The following INSL6 variants were observed in gnomAD, a reference collection of about 807,000 sequenced individuals.
INSL6 encodes the protein insulin-like peptide INSL6.
In INSL6, 16 loss-of-function variants were observed where a neutral mutation model predicts 9.4. The ratio of observed to expected loss-of-function variants is 1.70; its 90% CI spans 1.15 to 2.59. INSL6 has a LOEUF of 2.59. Ranked by LOEUF, INSL6 falls within the 30% of genes most tolerant of loss-of-function variation. The pLI, the probability that INSL6 is intolerant of heterozygous loss-of-function variation, is 0.00. For synonymous variants in INSL6, 154 were observed against 96.9 expected, an observed-to-expected ratio of 1.59 and a Z score of -3.46; for missense variants, 391 against 257.3, an observed-to-expected ratio of 1.52 and a Z score of -3.56.
chr9:5,145,042 G>A (rs1217758132), intron 2 of INSL6, among the ~76,000 whole-genome samples: 1 of 152,124 alleles, frequency 6.6e-6, no homozygotes, highest in Non-Finnish European at 1.5e-5. Flanking sequence ...TTGTTTATGT[G>A]ATTGCTTCAT....
the INSL6 span, among the ~76,000 whole-genome samples, chr9:5,113,042 C>T: frequency 4.6e-5 from 7 of 152,172 alleles, no homozygotes; most frequent in Non-Finnish European, 1.0e-4. Context: ...AGGAAGGTGA[C>T]GCTGGGTCCA....
the INSL6 span, among the ~76,000 whole-genome samples, chr9:5,000,589 AG>A: frequency 6.6e-6 from 1 of 152,200 alleles, no homozygotes; most frequent in Non-Finnish European, 1.5e-5. Context: ...GCCAACTTTT[AG>A]GAGTTTTCTT....
chr9:5,143,479 G>A lies in INSL6; in HGVS notation c.377-9887C>T, dbSNP rs1824542082. Among the ~76,000 whole-genome samples the A allele has an allele frequency of 4.6e-5, 7 of 152,134 alleles. No homozygotes were observed. The South Asian group carries it at 1.2e-3, about 27-fold the overall frequency. On this transcript the variant is annotated intron_variant, in intron 2 of 3. Transcript: ENST00000649639. ...TGTTTTCCAGTTGATTTCCATAGAG[G>A]TGTTCATAATATTATCTGATGGTTG...
chr9:5,175,603 C>T (rs767424051), intron 1 of INSL6, among the ~76,000 whole-genome samples: 9 of 152,112 alleles, frequency 5.9e-5, no homozygotes, highest in African/African-American at 1.9e-4. Flanking sequence ...AGTGGGCAGG[C>T]GAGCGAGCAA....
chr9:4,998,881 A>G, the INSL6 span, among the ~76,000 whole-genome samples: 1 of 152,024 alleles, frequency 6.6e-6, no homozygotes, highest in South Asian at 2.1e-4. Context: ...CCCAGGCTGT[A>G]GTGCAGTGGT....
At chr9:5,012,267 A>G in the INSL6 span, among the ~76,000 whole-genome samples, 1 of 152,202 alleles carries the variant, frequency 6.6e-6, no homozygotes, top group African/African-American at 2.4e-5. Context: ...AAGAGTAAGT[A>G]TGGGCCTCAT....
At chr9:5,160,907 TGA>T (rs1424526809), downstream of INSL6, among the ~76,000 whole-genome samples, 4 of 152,108 alleles carry the variant, frequency 2.6e-5, no homozygotes, top group African/African-American at 2.4e-5. Flanking sequence ...CCAAAACCTG[TGA>T]ATAGACCAGT....
the INSL6 span, among the ~76,000 whole-genome samples, chr9:5,001,000 G>C: frequency 6.6e-6 from 1 of 152,122 alleles, no homozygotes; most frequent in Non-Finnish European, 1.5e-5. Context: ...AGAATAAAAA[G>C]ACATGCTTAG....
the INSL6 span, among the ~76,000 whole-genome samples, chr9:5,042,212 A>C: frequency 1.3e-4 from 19 of 141,128 alleles, no homozygotes; most frequent in South Asian, 1.3e-3. Flanking sequence ...ATCTCGGCTC[A>C]CTGCAAGCTC....
chr9:5,113,058 T>A, the INSL6 span, among the ~76,000 whole-genome samples: 12 of 151,924 alleles, frequency 7.9e-5, no homozygotes, highest in African/African-American at 2.7e-4. Flanking sequence ...GTCCAGGAGC[T>A]CCCTGGGACC....
At chr9:5,102,665 G>C in the INSL6 span, among the ~76,000 whole-genome samples, 1 of 152,198 alleles carries the variant, frequency 6.6e-6, no homozygotes, top group Non-Finnish European at 1.5e-5. Flanking sequence ...TGCCCACAAA[G>C]GGAAGCCCAT....
chr9:5,081,899 T>C, the INSL6 span: 1 of 1,535,980 alleles, frequency 6.5e-7, no homozygotes. Context: ...AGTATAATCA[T>C]TTCATTTAGG....
the INSL6 span, among the ~76,000 whole-genome samples, chr9:5,083,264 T>A: frequency 6.6e-6 from 1 of 152,206 alleles, no homozygotes; most frequent in Admixed American, 6.5e-5. Context: ...TAGCAGAGAC[T>A]CTGTCTATTA....
downstream of INSL6, among the ~76,000 whole-genome samples, chr9:5,159,909 C>A (rs764206607): frequency 6.6e-6 from 1 of 152,132 alleles, no homozygotes; most frequent in Non-Finnish European, 1.5e-5. Flanking sequence ...TGGTGGCTCA[C>A]GCCGCCTGTA....
the INSL6 span, among the ~76,000 whole-genome samples, chr9:4,999,762 A>T: frequency 6.6e-6 from 1 of 152,168 alleles, no homozygotes; most frequent in South Asian, 2.1e-4. Context: ...ATCATTTTTA[A>T]TATCTTTATA....
chr9:5,125,596 G>T (rs1823932030), intron 3 of INSL6, among the ~76,000 whole-genome samples: 1 of 151,470 alleles, frequency 6.6e-6, no homozygotes, highest in Non-Finnish European at 1.5e-5. Flanking sequence ...TAGAAAAGCT[G>T]TGCCAAATTA....
intron 1 of INSL6, among the ~76,000 whole-genome samples, chr9:5,168,202 C>A (rs563723213): frequency 6.6e-6 from 1 of 152,160 alleles, no homozygotes; most frequent in Non-Finnish European, 1.5e-5. Context: ...CCATGAAGGG[C>A]ACAGAACCGG....
the INSL6 span, chr9:5,114,574 G>T: frequency 2.0e-6 from 1 of 491,216 alleles, no homozygotes; most frequent in Non-Finnish European, 4.0e-6. Context: ...CAGAACTTCT[G>T]GCCCAAGGAC....
chr9:5,024,792 G>A, the INSL6 span, among the ~76,000 whole-genome samples: 1 of 152,152 alleles, frequency 6.6e-6, no homozygotes, highest in African/African-American at 2.4e-5. Context: ...GAACATAGGT[G>A]TGCTCTTTGC....
Sources: gnomAD v4.1 joint callset for allele counts (sites outside exome capture counted in the v4.1 genomes callset) on GRCh38, gnomAD v4.1.1 for gene constraint, MANE v1.5 for transcripts, NCBI Gene and HGNC (gene_info 2026-07-23, HGNC 2026-07-21) for gene names.